FRAS1: variants seen among roughly 807,000 people sequenced by gnomAD.
FRAS1 encodes Fraser extracellular matrix complex subunit 1, also known as extracellular matrix organizing protein FRAS1.
FRAS1 carries 290 observed loss-of-function variants against 435.2 expected under a neutral mutation model. That is an observed-to-expected ratio of 0.67 (90% confidence interval 0.61 to 0.73). The LOEUF is 0.73. Ranked by LOEUF, FRAS1 falls within the 30% of genes least tolerant of loss-of-function variation. The pLI is 0.00. For missense variants in FRAS1, 4,860 were observed against 5,001.5 expected (o/e 0.97, Z 0.85); for synonymous variants, 1,800 against 1,851.0 (o/e 0.97, Z 0.71).
intron 2 of FRAS1, among the ~76,000 whole-genome samples, chr4:78,124,470 G>T (rs1485114127): frequency 6.6e-6 from 1 of 152,176 alleles, no homozygotes; most frequent in African/African-American, 2.4e-5. Context: ...TTTGGCATCA[G>T]GATGATGCTG....
chr4:78,246,573 A>G (rs1725259856), intron 4 of FRAS1, among the ~76,000 whole-genome samples: 1 of 152,240 alleles, frequency 6.6e-6, no homozygotes, highest in Non-Finnish European at 1.5e-5. Context: ...ATGTCACAGA[A>G]GAAAATCCCT....
At chr4:78,266,296 G>A (rs1270249309) in intron 7 of FRAS1, among the ~76,000 whole-genome samples, 1 of 152,206 alleles carries the variant, frequency 6.6e-6, no homozygotes, top group Non-Finnish European at 1.5e-5. Flanking sequence ...GCCCTGGGCA[G>A]CTCATCCTCA....
chr4:78,482,296 A>G, intron 57 of FRAS1, 92 bp from the exon 58 acceptor site: 1 of 1,414,586 alleles, frequency 7.1e-7, no homozygotes, highest in Non-Finnish European at 9.8e-7. Context: ...AAAACCACCA[A>G]AGACAGGCAA....
intron 70 of FRAS1, among the ~76,000 whole-genome samples, chr4:78,529,256 G>T (rs1466082990): frequency 6.6e-6 from 1 of 152,118 alleles, no homozygotes; most frequent in Non-Finnish European, 1.5e-5. Context: ...AATGGTAGTT[G>T]GCTGCAGTAA....
At chr4:78,228,621 A>G (rs1208135833) in intron 2 of FRAS1, among the ~76,000 whole-genome samples, 4 of 152,214 alleles carry the variant, frequency 2.6e-5, no homozygotes, top group South Asian at 2.1e-4. Context: ...AGCACTCAGT[A>G]GTGGAATATG....
At chr4:78,255,062 C>T (rs1242044911) in intron 5 of FRAS1, among the ~76,000 whole-genome samples, 180 bp from the exon 6 acceptor site, 1 of 152,180 alleles carries the variant, frequency 6.6e-6, no homozygotes, top group East Asian at 1.9e-4. Flanking sequence ...AAAACTTCAC[C>T]TATAAAACAC....
At chr4:78,448,705 A>G (rs1718931533) in intron 44 of FRAS1, among the ~76,000 whole-genome samples, 1 of 152,114 alleles carries the variant, frequency 6.6e-6, no homozygotes, top group African/African-American at 2.4e-5. Flanking sequence ...TAAGACGCTT[A>G]TTTTTTTACA....
chr4:78,226,635 A>G (rs1449961423), intron 2 of FRAS1, among the ~76,000 whole-genome samples: 1 of 151,764 alleles, frequency 6.6e-6, no homozygotes, highest in East Asian at 1.9e-4. Flanking sequence ...GTTCATTTTT[A>G]GCAGTCTTAT....
At chr4:78,157,286 G>C (rs910262352) in intron 2 of FRAS1, among the ~76,000 whole-genome samples, 1 of 152,204 alleles carries the variant, frequency 6.6e-6, no homozygotes. Context: ...TGATGAACAT[G>C]TACATGCATA....
intron 20 of FRAS1, among the ~76,000 whole-genome samples, chr4:78,343,254 C>G (rs183953211): frequency 5.9e-5 from 9 of 152,308 alleles, no homozygotes; most frequent in Admixed American, 5.9e-4. Flanking sequence ...AAGACCCCTT[C>G]CCTTTATTAT....
Position 78,475,462 on chromosome 4 carries a change from G to T in FRAS1, c.7707G>T (p.Gly2569=), listed in dbSNP as rs376607294. 1.2e-6 allele frequency: 2 copies of T among 1,613,942 alleles called. No homozygotes were observed. The highest frequency in any genetic ancestry group is 2.2e-5 in the South Asian group (2 of 91,078). ...YTSYNVSEKA[G]SVSVTVQRTG... ...GCTACAATGTCAGTGAGAAGGCAGG[G>T]TCTGTCAGTGTCACGGTGCAGAGGA... is the stretch of plus-strand genomic sequence containing the variant. Residue 2569 remains glycine (G), a synonymous_variant, in exon 54 of 74, where the codon GGG becomes GGT. Coordinates refer to ENST00000512123, the MANE Select transcript of FRAS1 (RefSeq NM_025074.7).
chr4:78,366,905 C>T (rs1731296074), intron 22 of FRAS1, among the ~76,000 whole-genome samples: 1 of 152,184 alleles, frequency 6.6e-6, no homozygotes, highest in South Asian at 2.1e-4. Context: ...CAGACAGGGT[C>T]AGCCATTTAC....
intron 2 of FRAS1, chr4:78,070,735 A>G (rs1279093453): frequency 1.3e-5 from 2 of 152,210 alleles, no homozygotes; most frequent in East Asian, 3.8e-4. Flanking sequence ...TTTTCCAACT[A>G]TATCAAGTAT....
intron 20 of FRAS1, among the ~76,000 whole-genome samples, chr4:78,355,376 C>T (rs1205507649): frequency 6.6e-6 from 1 of 152,148 alleles, no homozygotes; most frequent in Non-Finnish European, 1.5e-5. Flanking sequence ...CTCTTCTTTC[C>T]TTGTGACTCT....
At chr4:78,206,464 C>T (rs926716866) in intron 2 of FRAS1, among the ~76,000 whole-genome samples, 1 of 152,138 alleles carries the variant, frequency 6.6e-6, no homozygotes, top group African/African-American at 2.4e-5. Context: ...TAAAATAATA[C>T]ATTTTTTGGT....
chr4:78,360,279 C>A (rs1045524674), intron 20 of FRAS1, among the ~76,000 whole-genome samples: 2 of 152,000 alleles, frequency 1.3e-5, no homozygotes, highest in African/African-American at 4.8e-5. Flanking sequence ...CCTTAAGAGG[C>A]CATCAGAGAC....
chr4:78,133,420 A>G (rs1719772980), intron 2 of FRAS1, among the ~76,000 whole-genome samples: 1 of 152,164 alleles, frequency 6.6e-6, no homozygotes, highest in Admixed American at 6.5e-5. Context: ...AATGAGTACA[A>G]AAAGTTAGAA....
At chr4:78,073,123 C>T (rs1158511824) in intron 2 of FRAS1, among the ~76,000 whole-genome samples, 1 of 152,112 alleles carries the variant, frequency 6.6e-6, no homozygotes, top group East Asian at 1.9e-4. Context: ...GAGAATTGGG[C>T]TCTAGCTGTC....
chr4:78,461,256 A>T lies in FRAS1; in HGVS notation c.6764-2765A>T, dbSNP rs147187138. 4.3e-3 allele frequency among the ~76,000 whole-genome samples: 657 copies of T among 152,284 alleles called. 2 individuals carry two copies. The highest frequency in any genetic ancestry group is 0.014 in the African/African-American group (593 of 41,550). On this transcript the variant is annotated intron_variant, in intron 47 of 73. Transcript: ENST00000512123. Reference sequence around the variant, plus strand: ...CTAGATTTTTCACATTCTCTTTAATAGGCATATATTACTTTCATATTGAAA... The same window carrying T: ...CTAGATTTTTCACATTCTCTTTAATTGGCATATATTACTTTCATATTGAAA...
Sources: gnomAD v4.1 joint callset for allele counts (sites outside exome capture counted in the v4.1 genomes callset) on GRCh38, gnomAD v4.1.1 for gene constraint, MANE v1.5 for transcripts, NCBI Gene and HGNC (gene_info 2026-07-23, HGNC 2026-07-21) for gene names.